The following CCDC7 variants were observed in gnomAD, a reference collection of about 807,000 sequenced individuals.
CCDC7 encodes the protein coiled-coil domain containing 7.
Under a neutral mutation model 196.9 loss-of-function variants are expected in CCDC7, and 183 were observed. That is an observed-to-expected ratio of 0.93 (90% confidence interval 0.82 to 1.05). The LOEUF (loss-of-function observed/expected upper bound fraction) is 1.05, where lower values mean the gene tolerates loss of function less well. Among genes scored for constraint, CCDC7 ranks in the 50% least tolerant of loss-of-function variants. The probability of loss-of-function intolerance (pLI) is 0.00; values close to 1 mark genes in which losing one functional copy is unlikely to be tolerated. For missense variants in CCDC7, 1,540 were observed against 1,482.2 expected, an observed-to-expected ratio of 1.04 and a Z score of -0.64; for synonymous variants, 525 against 484.6, an observed-to-expected ratio of 1.08 and a Z score of -1.10.
intron 32 of CCDC7, among the ~76,000 whole-genome samples, chr10:32,833,760 G>T (rs2092398681): frequency 1.3e-5 from 2 of 151,980 alleles, no homozygotes; most frequent in Admixed American, 1.3e-4. Context: ...GCCCTAAATT[G>T]TTCCTATTTC....
intron 33 of CCDC7, among the ~76,000 whole-genome samples, chr10:32,843,508 A>T (rs1027507862): frequency 1.3e-5 from 2 of 152,058 alleles, no homozygotes; most frequent in African/African-American, 4.8e-5. Flanking sequence ...ATAGCATGGT[A>T]TGTTATTTAT....
intron 21 of CCDC7, among the ~76,000 whole-genome samples, chr10:32,683,215 T>C (rs1272603693): frequency 6.6e-6 from 1 of 152,242 alleles, no homozygotes; most frequent in Non-Finnish European, 1.5e-5. Context: ...TGCATGTGGC[T>C]AGCCTGTTAT....
chr10:32,768,832 A>T (rs372538019), intron 28 of CCDC7, among the ~76,000 whole-genome samples: 2 of 152,256 alleles, frequency 1.3e-5, no homozygotes, highest in Middle Eastern at 6.8e-3. Context: ...TTATTTGCAT[A>T]TATTGAACCA....
intron 32 of CCDC7, among the ~76,000 whole-genome samples, chr10:32,830,921 A>T (rs2092097881): frequency 6.6e-6 from 1 of 152,220 alleles, no homozygotes; most frequent in Non-Finnish European, 1.5e-5. Context: ...TAGTAAAAAC[A>T]TTGAGAGACA....
intron 26 of CCDC7, among the ~76,000 whole-genome samples, chr10:32,727,529 T>A (rs2083302474): frequency 6.6e-6 from 1 of 151,956 alleles, no homozygotes; most frequent in South Asian, 2.1e-4. Flanking sequence ...AATCATAGGG[T>A]CTTCAATGTG....
At chr10:32,628,321 G>A (rs1394768510) in intron 18 of CCDC7, among the ~76,000 whole-genome samples, 4 of 151,658 alleles carry the variant, frequency 2.6e-5, no homozygotes, top group African/African-American at 9.7e-5. Context: ...ATTGTTTATA[G>A]TAGTCTATTT....
intron 8 of CCDC7, among the ~76,000 whole-genome samples, chr10:32,487,127 A>G (rs192579645): frequency 3.9e-5 from 6 of 152,020 alleles, no homozygotes; most frequent in African/African-American, 1.4e-4. Flanking sequence ...TTTCAGGTAC[A>G]CTAATCAGAT....
intron 13 of CCDC7, among the ~76,000 whole-genome samples, chr10:32,558,693 A>G (rs2054776620): frequency 6.6e-6 from 1 of 152,178 alleles, no homozygotes; most frequent in African/African-American, 2.4e-5. Context: ...AGCAGCCAAG[A>G]TGGCCGAATA....
chr10:32,756,513 G>T (rs71493144), intron 28 of CCDC7, among the ~76,000 whole-genome samples: 21,038 of 152,156 alleles, frequency 0.14, 1,761 homozygotes, highest in East Asian at 0.25. Context: ...AGCTTCATAA[G>T]TGAAGGAGAA....
In CCDC7 at chr10:32,560,478, C is replaced by T. The variant is rs551180120; in HGVS notation, c.1135-5080C>T. 8.4e-3 allele frequency among the ~76,000 whole-genome samples: 1,275 copies of T among 152,318 alleles called. 28 individuals carry two copies. Among genetic ancestry groups the T allele is most frequent in the African/African-American group, 0.028 (1,174 of 41,556 alleles). On this transcript the variant is annotated intron_variant, in intron 13 of 41. Coordinates refer to ENST00000639629, the Ensembl canonical transcript of CCDC7. ...ATCAGACTAATAGCGGATCTCTCAG[C>T]AGAAACTCTGCAAGCCAGAAGAGAG...
intron 21 of CCDC7, among the ~76,000 whole-genome samples, chr10:32,681,590 C>T (rs1049778709): frequency 3.3e-5 from 5 of 152,112 alleles, no homozygotes; most frequent in African/African-American, 7.2e-5. Context: ...GCCTGCAGTA[C>T]ACAAATCTTA....
At chr10:32,510,602 G>A (rs997596923) in intron 9 of CCDC7, among the ~76,000 whole-genome samples, 2 of 152,152 alleles carry the variant, frequency 1.3e-5, no homozygotes, top group Non-Finnish European at 2.9e-5. Context: ...CAATAAAAAT[G>A]TATAGCTTTT....
upstream of CCDC7, chr10:32,446,082 G>T (rs1461291704): frequency 6.6e-6 from 1 of 152,184 alleles, no homozygotes; most frequent in Non-Finnish European, 1.5e-5. Flanking sequence ...CGCTCGCAGC[G>T]TCAGCGACGC....
intron 41 of CCDC7, among the ~76,000 whole-genome samples, chr10:32,872,213 G>C (rs1401938685): frequency 3.3e-5 from 5 of 152,102 alleles, no homozygotes; most frequent in African/African-American, 1.2e-4. Context: ...GGGTGTTAAA[G>C]TCTCCCATTG....
intron 29 of CCDC7, among the ~76,000 whole-genome samples, chr10:32,803,970 T>C (rs1367771718): frequency 6.6e-6 from 1 of 152,174 alleles, no homozygotes; most frequent in Non-Finnish European, 1.5e-5. Flanking sequence ...TAGTATGATA[T>C]ACACTCCTAA....
At chr10:32,547,080 A>AT (rs2052598905) in intron 13 of CCDC7, among the ~76,000 whole-genome samples, 1 of 151,830 alleles carries the variant, frequency 6.6e-6, no homozygotes, top group Non-Finnish European at 1.5e-5. Flanking sequence ...GTGCAGTGGC[A>AT]TGACCCTAGC....
intron 20 of CCDC7, among the ~76,000 whole-genome samples, chr10:32,641,103 C>G (rs934615311): frequency 2.0e-5 from 3 of 152,210 alleles, no homozygotes; most frequent in African/African-American, 7.2e-5. Flanking sequence ...TTCATTTCAA[C>G]TTTGGTGAAT....
upstream of CCDC7, among the ~76,000 whole-genome samples, chr10:32,451,397 G>A (rs2033031206): frequency 6.6e-6 from 1 of 152,166 alleles, no homozygotes. Flanking sequence ...TAGATATTGT[G>A]ATAACTGCAT....
intron 31 of CCDC7, among the ~76,000 whole-genome samples, chr10:32,820,608 C>A (rs959565985): frequency 1.8e-4 from 28 of 152,044 alleles, no homozygotes; most frequent in Admixed American, 1.0e-3. Context: ...GTACTGGTAC[C>A]AAAACAGAGA....
Sources: allele counts gnomAD v4.1 joint callset (sites outside exome capture counted in the v4.1 genomes callset), GRCh38; gene constraint gnomAD v4.1.1; transcripts MANE v1.5; gene names NCBI Gene and HGNC (gene_info 2026-07-23, HGNC 2026-07-21).